The following GIPC2 variants were observed in gnomAD, a reference collection of about 807,000 sequenced individuals.
GIPC2 encodes the protein PDZ domain-containing protein GIPC2.
In GIPC2, 30 loss-of-function variants were observed where a neutral mutation model predicts 30.6. The ratio of observed to expected loss-of-function variants is 0.98; its 90% CI spans 0.73 to 1.33. GIPC2 has a LOEUF of 1.33. Ranked by LOEUF, GIPC2 falls within the 40% of genes most tolerant of loss-of-function variation. The pLI is 0.00. For synonymous variants in GIPC2, 167 were observed against 150.0 expected, an observed-to-expected ratio of 1.11 and a Z score of -0.83; for missense variants, 414 against 390.3, an observed-to-expected ratio of 1.06 and a Z score of -0.51.
chr1:78,127,313 G>T (rs1290401870), intron 5 of GIPC2, among the ~76,000 whole-genome samples: 1 of 152,222 alleles, frequency 6.6e-6, no homozygotes, highest in African/African-American at 2.4e-5. Context: ...ACCTCAAAAT[G>T]AGTGCTCTGA....
chr1:78,056,214 C>T (rs1242372484), intron 1 of GIPC2, among the ~76,000 whole-genome samples: 6 of 152,268 alleles, frequency 3.9e-5, no homozygotes, highest in Admixed American at 6.5e-5. Context: ...TGGTGGCTCA[C>T]GCCTGTAATC....
chr1:78,123,907 T>C (rs556144577), intron 4 of GIPC2, among the ~76,000 whole-genome samples: 1 of 152,358 alleles, frequency 6.6e-6, no homozygotes, highest in East Asian at 1.9e-4. Context: ...CAATATATTG[T>C]CTGTTATTGT....
chr1:78,055,936 A>G (rs922886598), intron 1 of GIPC2, among the ~76,000 whole-genome samples: 2 of 152,164 alleles, frequency 1.3e-5, no homozygotes, highest in Non-Finnish European at 1.5e-5. Flanking sequence ...TCCGTTCTCT[A>G]TGACCTTTAT....
chr1:78,091,749 T>A lies in GIPC2; in HGVS notation c.427-3203T>A. ...GCATACAAGAATGTTAAATTTGTTCTCAAGCACAAAGTAGCACAGAAGAGG... is the reference window on the plus strand; with the variant it reads ...GCATACAAGAATGTTAAATTTGTTCACAAGCACAAAGTAGCACAGAAGAGG... On this transcript the variant is annotated intron_variant, in intron 2 of 5. Transcript: ENST00000370759. 3 of 776,170 alleles carry A rather than the reference T, an allele frequency of 3.9e-6. No homozygotes were observed. The South Asian group carries it at 4.0e-5, about 10-fold the overall frequency. 48.1% of individuals were successfully genotyped at this position (776,170 alleles called of 1,614,324 possible). A position where few individuals can be genotyped will look rare whatever the true frequency, so the allele number is the denominator to read the frequency against.
At position 78,046,169 on chromosome 1, in the gene GIPC2, G is replaced by C; in HGVS notation, c.75G>C (p.Thr25=). ...CCGGGCTGGTGGAGGGCGAGCCGAC[G>C]GGCGCGGGCGGCGGGAGCCTCTCAG... is the stretch of plus-strand genomic sequence containing the variant. ...ETAGLVEGEP[T]GAGGGSLSAS... The change falls in exon 1 of 6, where the codon ACG becomes ACC. Residue 25 remains threonine, a synonymous_variant. Coordinates refer to ENST00000370759, the MANE Select transcript of GIPC2 (RefSeq NM_017655.6). 1 of 1,561,492 alleles carries C rather than the reference G, an allele frequency of 6.4e-7. No individual in the cohort carries two copies. The highest frequency in any genetic ancestry group is 8.6e-7 in the Non-Finnish European group (1 of 1,156,732).
At chr1:78,097,684 G>A (rs190955834) in intron 3 of GIPC2, among the ~76,000 whole-genome samples, 32 of 152,252 alleles carry the variant, frequency 2.1e-4, no homozygotes, top group Admixed American at 1.3e-4. Context: ...GGAGAGCTAC[G>A]TAATAAACAC....
intron 2 of GIPC2, among the ~76,000 whole-genome samples, chr1:78,082,977 A>ACTT (rs1661860729): frequency 6.6e-6 from 1 of 152,060 alleles, no homozygotes; most frequent in Non-Finnish European, 1.5e-5. Context: ...ACCCCTTAGT[A>ACTT]CTTCAGAGTG....
chr1:78,078,977 AT>A (rs1392145643), intron 1 of GIPC2, among the ~76,000 whole-genome samples: 1 of 152,078 alleles, frequency 6.6e-6, no homozygotes, highest in Non-Finnish European at 1.5e-5. Flanking sequence ...ATTCACAGTG[AT>A]TTTTGTCAGC....
chr1:78,104,630 G>A (rs989027055), intron 3 of GIPC2, among the ~76,000 whole-genome samples: 1 of 152,132 alleles, frequency 6.6e-6, no homozygotes, highest in African/African-American at 2.4e-5. Flanking sequence ...GTAAAAATGG[G>A]GTAGGAGGTG....
chr1:78,058,107 C>T (rs1183237490), intron 1 of GIPC2, among the ~76,000 whole-genome samples: 1 of 152,148 alleles, frequency 6.6e-6, no homozygotes, highest in East Asian at 1.9e-4. Context: ...TCTTAAACCT[C>T]CCTTCTGTTT....
chr1:78,088,391 T>C (rs527691871), intron 2 of GIPC2, among the ~76,000 whole-genome samples: 3 of 152,322 alleles, frequency 2.0e-5, no homozygotes, highest in East Asian at 1.9e-4. Flanking sequence ...ATGTGGTACA[T>C]ATACACCATG....
At chr1:78,070,169 A>G (rs987987153) in intron 1 of GIPC2, among the ~76,000 whole-genome samples, 9 of 152,220 alleles carry the variant, frequency 5.9e-5, no homozygotes, top group Non-Finnish European at 1.2e-4. Context: ...GCAATCTTTT[A>G]CAAGTTATAT....
intron 4 of GIPC2, 69 bp from the exon 5 acceptor site, chr1:78,125,812 T>G: frequency 1.2e-6 from 1 of 827,988 alleles, no homozygotes; most frequent in African/African-American, 1.7e-5. Flanking sequence ...TCAGGCTTTC[T>G]CTTGTGTATG....
At chr1:78,110,991 A>G (rs950427394) in intron 3 of GIPC2, among the ~76,000 whole-genome samples, 3 of 152,198 alleles carry the variant, frequency 2.0e-5, no homozygotes, top group Non-Finnish European at 4.4e-5. Flanking sequence ...TGGGTCTGCA[A>G]TACTGAGGAT....
chr1:78,073,818 A>G (rs1176430144), intron 1 of GIPC2, among the ~76,000 whole-genome samples: 1 of 152,226 alleles, frequency 6.6e-6, no homozygotes, highest in Non-Finnish European at 1.5e-5. Flanking sequence ...CACATTGTGG[A>G]GTATATAATG....
At chr1:78,063,109 CAAT>C (rs1170086098) in intron 1 of GIPC2, among the ~76,000 whole-genome samples, 2 of 152,098 alleles carry the variant, frequency 1.3e-5, no homozygotes, top group Admixed American at 1.3e-4. Context: ...GGATTTTAAA[CAAT>C]GTTTTCTACC....
At chr1:78,071,260 A>G (rs1232081985) in intron 1 of GIPC2, among the ~76,000 whole-genome samples, 1 of 152,164 alleles carries the variant, frequency 6.6e-6, no homozygotes, top group Non-Finnish European at 1.5e-5. Flanking sequence ...CATTTTTAAA[A>G]CTAGTTGGAA....
intron 4 of GIPC2, among the ~76,000 whole-genome samples, chr1:78,124,213 C>G (rs1399337497): frequency 6.6e-6 from 1 of 151,982 alleles, no homozygotes; most frequent in Non-Finnish European, 1.5e-5. Flanking sequence ...AAATATTAAA[C>G]CAAAAATTTA....
At chr1:78,132,583 C>G (rs970879194) in intron 5 of GIPC2, among the ~76,000 whole-genome samples, 1 of 151,856 alleles carries the variant, frequency 6.6e-6, no homozygotes, top group African/African-American at 2.4e-5. Context: ...GCTTAGTGCA[C>G]TAGACAATGC....
Sources: allele counts gnomAD v4.1 joint callset (sites outside exome capture counted in the v4.1 genomes callset), GRCh38; gene constraint gnomAD v4.1.1; transcripts MANE v1.5; gene names NCBI Gene and HGNC (gene_info 2026-07-23, HGNC 2026-07-21).